CDH3: variants seen among roughly 807,000 people sequenced by gnomAD.
The protein encoded by CDH3 is cadherin 3.
CDH3 carries 54 observed loss-of-function variants against 82.0 expected under a neutral mutation model. The observed-to-expected ratio is 0.66, with a 90% CI of 0.53 to 0.83. The LOEUF is 0.83. CDH3 is among the 40% of genes least tolerant of loss of function. The pLI, the probability that CDH3 is intolerant of heterozygous loss-of-function variation, is 0.00. For missense variants in CDH3, 1,054 were observed against 1,084.6 expected, an observed-to-expected ratio of 0.97 and a Z score of 0.40; for synonymous variants, 446 against 437.9, an observed-to-expected ratio of 1.02 and a Z score of -0.23.
At chr16:68,688,343 A>T (rs573215458) in intron 12 of CDH3, among the ~76,000 whole-genome samples, 2 of 152,098 alleles carry the variant, frequency 1.3e-5, no homozygotes, top group East Asian at 4.0e-4. Context: ...TAATCCCAGC[A>T]CTTTGGGAGC....
intron 2 of CDH3, among the ~76,000 whole-genome samples, chr16:68,669,683 A>G (rs1428251833): frequency 1.3e-5 from 2 of 152,056 alleles, no homozygotes; most frequent in African/African-American, 4.8e-5. Flanking sequence ...TAGGGGAGTC[A>G]ATCCATTAGC....
At chr16:68,687,451 G>C in intron 11 of CDH3, 61 bp from the exon 12 acceptor site, 1 of 1,357,482 alleles carries the variant, frequency 7.4e-7, no homozygotes, top group Non-Finnish European at 1.1e-6. Flanking sequence ...AACAGGAGGA[G>C]CCCCCCTGAG....
At chr16:68,647,273 G>A (rs1291711123) in intron 2 of CDH3, among the ~76,000 whole-genome samples, 1 of 82,466 alleles carries the variant, frequency 1.2e-5, no homozygotes, top group Non-Finnish European at 2.4e-5. Flanking sequence ...CCGCCCCATT[G>A]TCAAGTTCTC....
chr16:68,716,246 A>G (rs1962093730), intron 1 of CDH3, among the ~76,000 whole-genome samples: 2 of 151,990 alleles, frequency 1.3e-5, no homozygotes, highest in African/African-American at 4.8e-5. Flanking sequence ...AGCACTGGAA[A>G]AAACCCAGGT....
chr16:68,678,960 C>T, intron 6 of CDH3, 54 bp downstream of exon 6: 1 of 1,568,948 alleles, frequency 6.4e-7, no homozygotes, highest in Non-Finnish European at 8.8e-7. Flanking sequence ...CCCTTAAATG[C>T]TAAAAGATCC....
rs1306510569 is a variant in CDH3, at chr16:68,707,830, A to G, written c.99+11907A>G. Among the ~76,000 whole-genome samples the G allele has an allele frequency of 6.8e-6, 1 of 146,370 alleles. No homozygotes were observed. The highest frequency in any genetic ancestry group is 2.5e-5 in the African/African-American group (1 of 39,650). ...CTGTACCCACTGCCCAGCAAGCGGC[A>G]GGGGTGTGGCGGGCCGGGGAGGAAT... is the stretch of plus-strand genomic sequence containing the variant. On this transcript the variant is annotated intron_variant, in intron 1 of 2. Transcript: ENST00000569080. This position sits in a 1 kb window ranked among gnomAD's most constrained non-coding sequence, Gnocchi z 4.5.
chr16:68,682,045 G>T (rs955593711), intron 8 of CDH3, among the ~76,000 whole-genome samples: 1 of 152,124 alleles, frequency 6.6e-6, no homozygotes, highest in African/African-American at 2.4e-5. Context: ...ATGCAAACCC[G>T]TGAGATTTCT....
At chr16:68,733,320 A>G in the CDH3 span, among the ~76,000 whole-genome samples, 1 of 152,046 alleles carries the variant, frequency 6.6e-6, no homozygotes, top group East Asian at 2.0e-4. Flanking sequence ...ATGGGGTTTC[A>G]CCATGTTGCC....
intron 2 of CDH3, among the ~76,000 whole-genome samples, chr16:68,654,247 G>A (rs1204704760): frequency 2.7e-5 from 4 of 149,596 alleles, no homozygotes; most frequent in African/African-American, 4.9e-5. Context: ...TTTTAGTAGA[G>A]ACAGGGTTTC....
downstream of CDH3, among the ~76,000 whole-genome samples, chr16:68,729,680 G>A (rs1962264256): frequency 6.6e-6 from 1 of 152,126 alleles, no homozygotes; most frequent in African/African-American, 2.4e-5. Context: ...TTGCCCGGCT[G>A]GAGTGCAGTG....
chr16:68,651,075 C>T, intron 2 of CDH3: 1 of 425,272 alleles, frequency 2.4e-6, no homozygotes, highest in Non-Finnish European at 4.5e-6. Context: ...CAGGGGCCTT[C>T]CCTGGGCCTG....
chr16:68,679,912 A>G lies in CDH3; in HGVS notation c.805A>G (p.Met269Val), dbSNP rs36038900. The change falls in exon 7 of 16, where the codon ATG (methionine) becomes GTG (valine). Residue 269 changes from methionine (M) to valine (V), a missense_variant. By Grantham distance (21) the Met-to-Val change is conservative (BLOSUM62 1). Transcript: ENST00000264012. Reference protein sequence around the residue: ...SQEPKDPHDLMFTIHRSTGTI... With the variant: ...SQEPKDPHDLVFTIHRSTGTI... ...AGAACCAAAGGACCCACACGACCTC[A>G]TGTTCACCATTCACCGGAGCACAGG... The G allele has an allele frequency of 6.2e-6, 10 of 1,613,754 alleles. No individual in the cohort carries two copies. Among genetic ancestry groups the G allele is most frequent in the African/African-American group, 1.3e-5 (1 of 74,910 alleles).
At chr16:68,679,044 C>T in intron 6 of CDH3, 138 bp downstream of exon 6, 1 of 852,634 alleles carries the variant, frequency 1.2e-6, no homozygotes, top group South Asian at 1.6e-5. Flanking sequence ...TCCCCCCTTC[C>T]ATCCCAAGGT....
rs1012004252 is a variant in CDH3 at position 68,684,788 on chromosome 16, C to T, written c.1388C>T (p.Thr463Ile). The T allele has an allele frequency of 1.9e-6, 3 of 1,614,094 alleles. No individual in the cohort carries two copies. The African/African-American group carries it at 4.0e-5, about 22-fold the overall frequency. Residue 463 changes from threonine (T) to isoleucine (I), a missense_variant, in exon 10 of 16, where the codon ACT becomes ATT. Thr to Ile is a moderately conservative substitution (Grantham distance 89). Transcript: ENST00000264012. ...IPTGEPVCVY[T>I]AEDPDKENQK... ...ACTGGGGAGCCTGTGTGTGTCTACA[C>T]TGCAGAAGACCCTGACAAGGAGAAT... is the stretch of plus-strand genomic sequence containing the variant.
chr16:68,718,841 AT>A (rs1317502849), intron 1 of CDH3, among the ~76,000 whole-genome samples: 23 of 152,334 alleles, frequency 1.5e-4, no homozygotes, highest in Admixed American at 1.4e-3. Flanking sequence ...TAGAAGCTTT[AT>A]TTATAATAGC....
chr16:68,691,848 G>A lies in CDH3; in HGVS notation c.1924G>A (p.Gly642Ser), dbSNP rs1174707147. The A allele has an allele frequency of 1.2e-6, 2 of 1,614,104 alleles. No individual in the cohort carries two copies. Among genetic ancestry groups the A allele is most frequent in the South Asian group, 1.1e-5 (1 of 91,066 alleles). The change falls in exon 13 of 16, where the codon GGC becomes AGC. Residue 642 changes from glycine (G) to serine (S), a missense_variant. Physicochemically the swap from Gly to Ser is moderately conservative, Grantham distance 56. Transcript: ENST00000264012. ...VIRATVCDCHGHVETCPGPWK... is the reference protein window; with the variant it reads ...VIRATVCDCHSHVETCPGPWK... ...CAGGGCCACTGTGTGCGACTGCCAT[G>A]GCCATGTCGAAACCTGCCCTGGACC...
At chr16:68,728,352 A>C (rs989321385), downstream of CDH3, among the ~76,000 whole-genome samples, 21 of 152,024 alleles carry the variant, frequency 1.4e-4, 1 homozygote, top group African/African-American at 4.8e-4. Context: ...TTTTTAGTAG[A>C]GAAGGGGTTT....
chr16:68,658,522 G>A (rs991043249), intron 2 of CDH3, among the ~76,000 whole-genome samples: 13 of 152,046 alleles, frequency 8.6e-5, no homozygotes, highest in Non-Finnish European at 2.9e-5. Context: ...TGGAGGGTTC[G>A]GCTGCTCTCC....
chr16:68,713,045 TC>T (rs965492852), intron 1 of CDH3, among the ~76,000 whole-genome samples: 1 of 151,954 alleles, frequency 6.6e-6, no homozygotes, highest in African/African-American at 2.4e-5. Context: ...CTGATCTGTC[TC>T]CCCTCCTCCT....
Sources: allele counts gnomAD v4.1 joint callset (sites outside exome capture counted in the v4.1 genomes callset), GRCh38; gene constraint gnomAD v4.1.1; non-coding constraint Gnocchi (gnomAD v3.1); transcripts MANE v1.5; gene names NCBI Gene and HGNC (gene_info 2026-07-23, HGNC 2026-07-21).